Variants in EIF4E3 observed in about 807,000 individuals in gnomAD.
EIF4E3 encodes eukaryotic translation initiation factor 4E type 3.
EIF4E3 carries 26 observed loss-of-function variants against 31.7 expected under a neutral mutation model. That is an observed-to-expected ratio of 0.82 (90% confidence interval 0.60 to 1.14). The LOEUF (loss-of-function observed/expected upper bound fraction) is 1.14. Ranked by LOEUF, EIF4E3 falls within the 50% of genes most tolerant of loss-of-function variation. EIF4E3 has a pLI of 0.00. For missense variants in EIF4E3, 304 were observed against 270.9 expected (o/e 1.12, Z -0.86); for synonymous variants, 128 against 107.7 (o/e 1.19, Z -1.17).
chr3:71,725,115 G>A lies in EIF4E3; in HGVS notation c.176+77C>T. The A allele has an allele frequency of 4.1e-6, 4 of 977,430 alleles. No homozygotes were observed. The African/African-American group carries it at 7.0e-5, about 17-fold the overall frequency. 60.5% of individuals were successfully genotyped at this position (977,430 alleles called of 1,614,324 possible). A position where few individuals can be genotyped will look rare whatever the true frequency, so the allele number is the denominator to read the frequency against. ...ACAGCGGAGCGGGGCCGGGGCGAGG[G>A]GCCGCGCCGAGACAAAGCGGCGGTG... is the stretch of plus-strand genomic sequence containing the variant. On this transcript the variant is annotated intron_variant, in intron 1 of 6. Coordinates refer to ENST00000425534, the MANE Select transcript of EIF4E3 (RefSeq NM_001134651.2). This position sits in a 1 kb window ranked among gnomAD's most constrained non-coding sequence, Gnocchi z 6.1.
chr3:71,725,545 C>T (rs1432449115), upstream of EIF4E3, among the ~76,000 whole-genome samples: 1 of 150,462 alleles, frequency 6.6e-6, no homozygotes, highest in Admixed American at 6.6e-5. The surrounding 1 kb of genome is among the most constrained non-coding windows in gnomAD (Gnocchi z 6.1). Context: ...CGCGGAGGGG[C>T]CGTGGGAGGC....
intron 1 of EIF4E3, among the ~76,000 whole-genome samples, chr3:71,724,191 C>A (rs960507014): frequency 5.3e-5 from 8 of 152,148 alleles, no homozygotes; most frequent in Admixed American, 3.9e-4. Context: ...ATTGGGCACC[C>A]ACTGCAGGGC....
At chr3:71,709,983 T>C (rs1179780187) in intron 2 of EIF4E3, among the ~76,000 whole-genome samples, 2 of 152,028 alleles carry the variant, frequency 1.3e-5, no homozygotes, top group African/African-American at 2.4e-5. Flanking sequence ...ACTATCCTGC[T>C]CTCCCCATGT....
At chr3:71,698,680 A>C (rs4387935) in intron 3 of EIF4E3, among the ~76,000 whole-genome samples, 29,331 of 152,034 alleles carry the variant, frequency 0.19, 3,132 homozygotes, top group African/African-American at 0.29. Context: ...TGAGACCCAG[A>C]CCTGGGATTT....
At chr3:71,666,335 G>C in the EIF4E3 span, among the ~76,000 whole-genome samples, 6 of 152,112 alleles carry the variant, frequency 3.9e-5, no homozygotes, top group Non-Finnish European at 7.4e-5. Context: ...AAATAAACTA[G>C]AAAGTCTAGA....
At chr3:71,717,441 T>G (rs2049482496) in intron 1 of EIF4E3, among the ~76,000 whole-genome samples, 1 of 152,218 alleles carries the variant, frequency 6.6e-6, no homozygotes, top group African/African-American at 2.4e-5. Flanking sequence ...GAAGGACAGT[T>G]CTGTAAAAGC....
chr3:71,733,176 T>C (rs2049725291), intron 1 of EIF4E3, among the ~76,000 whole-genome samples: 1 of 152,192 alleles, frequency 6.6e-6, no homozygotes, highest in African/African-American at 2.4e-5. Context: ...CAGAAAACCC[T>C]TTGGTCCTGG....
upstream of EIF4E3, chr3:71,754,098 G>A: frequency 7.3e-7 from 1 of 1,374,892 alleles, no homozygotes. This position sits in a 1 kb window ranked among gnomAD's most constrained non-coding sequence, Gnocchi z 5.8. Flanking sequence ...CGAGGCGGCC[G>A]CCCTGGGCCT....
At chr3:71,724,813 G>T (rs2049605960) in intron 1 of EIF4E3, among the ~76,000 whole-genome samples, 1 of 152,204 alleles carries the variant, frequency 6.6e-6, no homozygotes, top group Admixed American at 6.5e-5. Context: ...CAGGCGCCCC[G>T]CGGGGTAAGC....
rs763246840 is a variant in EIF4E3 at position 71,683,480 on chromosome 3, A to T, written c.*1202T>A. ...AGGAGAGGGAAATCAGCGTATTCTGAGCTAGTCTCCATGGTCCAGAGGATG... is the reference window on the plus strand; with the variant it reads ...AGGAGAGGGAAATCAGCGTATTCTGTGCTAGTCTCCATGGTCCAGAGGATG... On this transcript the variant is annotated 3_prime_UTR_variant, in exon 7 of 7. Transcript: ENST00000425534. The T allele has an allele frequency of 1.3e-5, 2 of 152,250 alleles. No homozygotes were observed. The highest frequency in any genetic ancestry group is 2.9e-5 in the Non-Finnish European group (2 of 68,050). 9.4% of individuals were successfully genotyped at this position (152,250 alleles called of 1,614,324 possible). A position where few individuals can be genotyped will look rare whatever the true frequency, so the allele number is the denominator to read the frequency against.
intron 1 of EIF4E3, among the ~76,000 whole-genome samples, chr3:71,743,524 G>A (rs2049841750): frequency 6.6e-6 from 1 of 152,074 alleles, no homozygotes; most frequent in Non-Finnish European, 1.5e-5. Context: ...GTATAGGAGA[G>A]TATTGTTAAG....
At chr3:71,714,622 C>T (rs769184068) in intron 1 of EIF4E3, among the ~76,000 whole-genome samples, 7 of 152,210 alleles carry the variant, frequency 4.6e-5, no homozygotes, top group Non-Finnish European at 7.3e-5. Context: ...CATGCCCGAA[C>T]TTCATACTTG....
intron 1 of EIF4E3, among the ~76,000 whole-genome samples, chr3:71,739,086 T>C (rs2049794280): frequency 6.7e-6 from 1 of 148,296 alleles, no homozygotes; most frequent in African/African-American, 2.5e-5. Context: ...TATTAAAGCA[T>C]GTCAGATGCA....
intron 1 of EIF4E3, among the ~76,000 whole-genome samples, chr3:71,743,097 G>GT (rs1559614622): frequency 6.6e-6 from 1 of 152,034 alleles, no homozygotes; most frequent in Non-Finnish European, 1.5e-5. Context: ...GACCAATAAG[G>GT]TTAGCTCCAG....
At chr3:71,715,608 C>T (rs1488271205) in intron 1 of EIF4E3, among the ~76,000 whole-genome samples, 3 of 152,262 alleles carry the variant, frequency 2.0e-5, no homozygotes, top group South Asian at 2.1e-4. Flanking sequence ...GACCCTGGTT[C>T]GGAATTTTCT....
intron 2 of EIF4E3, among the ~76,000 whole-genome samples, chr3:71,701,505 G>A (rs1021940967): frequency 6.6e-6 from 1 of 152,212 alleles, no homozygotes; most frequent in African/African-American, 2.4e-5. Flanking sequence ...CGCTATGAAT[G>A]CTATCCACAG....
chr3:71,752,329 T>C (rs2049938029), intron 1 of EIF4E3, among the ~76,000 whole-genome samples: 1 of 152,144 alleles, frequency 6.6e-6, no homozygotes, highest in South Asian at 2.1e-4. Context: ...TGCTCTGTCA[T>C]CCCTCCTCAA....
chr3:71,683,962 G>C lies in EIF4E3; in HGVS notation c.*720C>G, dbSNP rs750252432. The C allele has an allele frequency of 1.3e-5, 2 of 152,000 alleles. No homozygotes were observed. The highest frequency in any genetic ancestry group is 2.9e-5 in the Non-Finnish European group (2 of 68,006). The allele number at this position is 152,000 out of a possible 1,614,324, so 9.4% of individuals were successfully genotyped here. ...TCGGGTTAGAAATGTTTCCACAGAG[G>C]GTCCAAAGACTTAGAGCTTGATTTA... On this transcript the variant is annotated 3_prime_UTR_variant, in exon 7 of 7. Coordinates refer to ENST00000425534, the MANE Select transcript of EIF4E3 (RefSeq NM_001134651.2).
intron 2 of EIF4E3, among the ~76,000 whole-genome samples, chr3:71,705,372 C>T (rs902301817): frequency 1.3e-5 from 2 of 152,118 alleles, no homozygotes; most frequent in African/African-American, 4.8e-5. Flanking sequence ...TTGATATTAT[C>T]GACAGCACAC....
Sources: gnomAD v4.1 joint callset for allele counts (sites outside exome capture counted in the v4.1 genomes callset) on GRCh38, gnomAD v4.1.1 for gene constraint, Gnocchi (gnomAD v3.1) non-coding constraint, MANE v1.5 for transcripts, NCBI Gene and HGNC (gene_info 2026-07-23, HGNC 2026-07-21) for gene names.